ASIP: variants seen among roughly 807,000 people sequenced by gnomAD.
ASIP encodes the protein agouti-signaling protein.
ASIP carries 11 observed loss-of-function variants against 10.3 expected under a neutral mutation model. The observed-to-expected ratio is 1.07, with a 90% CI of 0.68 to 1.78. The LOEUF is 1.78. Among genes scored for constraint, ASIP ranks in the 40% most tolerant of loss-of-function variants. The pLI is 0.00. For missense variants in ASIP, 180 were observed against 169.2 expected, an observed-to-expected ratio of 1.06 and a Z score of -0.35; for synonymous variants, 70 against 70.8, an observed-to-expected ratio of 0.99 and a Z score of 0.06.
intron 1 of ASIP, among the ~76,000 whole-genome samples, chr20:34,201,013 C>CTTTCTTTCTTTCTTTCTTTTTCT (rs2034891896): frequency 5.4e-5 from 3 of 55,232 alleles, no homozygotes; most frequent in African/African-American, 2.9e-4. Flanking sequence ...TCCTTCCTTC[C>CTTTCTTTCTTTCTTTCTTTTTCT]TTCCTTCTTT....
chr20:34,212,966 A>G (rs1401009966), intron 1 of ASIP, among the ~76,000 whole-genome samples: 1 of 152,196 alleles, frequency 6.6e-6, no homozygotes, highest in Non-Finnish European at 1.5e-5. Flanking sequence ...AGGACTTACC[A>G]GTCAGCACTT....
the ASIP span, among the ~76,000 whole-genome samples, chr20:34,186,796 G>A: frequency 2.0e-5 from 3 of 150,850 alleles, no homozygotes; most frequent in South Asian, 4.3e-4. Flanking sequence ...GGCAGCAGTA[G>A]GTTGTTTTTG....
At chr20:34,209,947 AG>A (rs2034962843) in intron 1 of ASIP, among the ~76,000 whole-genome samples, 1 of 152,148 alleles carries the variant, frequency 6.6e-6, no homozygotes, top group Non-Finnish European at 1.5e-5. Flanking sequence ...TGGACCAATC[AG>A]TGTGCACTTC....
chr20:34,257,038 CTTTT>C (rs1179074288), intron 1 of ASIP, among the ~76,000 whole-genome samples: 1 of 149,630 alleles, frequency 6.7e-6, no homozygotes, highest in Non-Finnish European at 1.5e-5. Flanking sequence ...TTCTTTCTTT[CTTTT>C]TCTTTCTTTC....
At chr20:34,255,110 T>C (rs542337928) in intron 1 of ASIP, among the ~76,000 whole-genome samples, 13 of 152,262 alleles carry the variant, frequency 8.5e-5, no homozygotes, top group African/African-American at 2.6e-4. Flanking sequence ...TGAACTGAGC[T>C]TGTACCTACA....
chr20:34,256,880 A>G (rs1404014736), intron 1 of ASIP, among the ~76,000 whole-genome samples: 2 of 152,108 alleles, frequency 1.3e-5, no homozygotes, highest in Admixed American at 6.6e-5. Context: ...TCCTGGGGTC[A>G]GGTGATTCTC....
At chr20:34,236,081 A>AGAAG (rs57903059) in intron 1 of ASIP, among the ~76,000 whole-genome samples, 13 of 143,474 alleles carry the variant, frequency 9.1e-5, no homozygotes, top group East Asian at 2.1e-4. Context: ...AAAGAGAAAG[A>AGAAG]GAAGGAAGGA....
At chr20:34,214,293 A>G (rs2034993365) in intron 1 of ASIP, 1 of 1,384,420 alleles carries the variant, frequency 7.2e-7, no homozygotes. Context: ...GAAAGCCATT[A>G]GTACACATGG....
intron 1 of ASIP, among the ~76,000 whole-genome samples, chr20:34,205,419 C>A (rs1427486207): frequency 1.6e-5 from 2 of 128,006 alleles, no homozygotes; most frequent in Non-Finnish European, 3.4e-5. Context: ...TCCCGCTGGG[C>A]TCGTGGTCTC....
chr20:34,226,709 A>G (rs1053537033), intron 1 of ASIP, among the ~76,000 whole-genome samples: 1 of 152,156 alleles, frequency 6.6e-6, no homozygotes, highest in African/African-American at 2.4e-5. Flanking sequence ...CCTCAGTCTG[A>G]TAAAGCTCAT....
intron 1 of ASIP, among the ~76,000 whole-genome samples, chr20:34,258,700 A>ATATATATATATATATATACATAC (rs1555826880): frequency 1.3e-5 from 1 of 77,918 alleles, no homozygotes; most frequent in Non-Finnish European, 2.4e-5. Context: ...TACATACTAT[A>ATATATATATATATATATACATAC]TATATATATT....
At chr20:34,253,032 T>C (rs1218289533) in intron 1 of ASIP, among the ~76,000 whole-genome samples, 1 of 152,232 alleles carries the variant, frequency 6.6e-6, no homozygotes, top group Non-Finnish European at 1.5e-5. Flanking sequence ...CAATTTTTCT[T>C]AGTACAGATC....
chr20:34,265,932 A>G (rs2035776084), intron 3 of ASIP, among the ~76,000 whole-genome samples: 1 of 150,962 alleles, frequency 6.6e-6, no homozygotes, highest in Non-Finnish European at 1.5e-5. Flanking sequence ...CCTGGGCGAC[A>G]GAGCAAGACT....
At chr20:34,241,857 A>T (rs941090570) in intron 1 of ASIP, among the ~76,000 whole-genome samples, 1 of 152,236 alleles carries the variant, frequency 6.6e-6, no homozygotes, top group Non-Finnish European at 1.5e-5. Context: ...CAGATTTCTA[A>T]TAACTCTTAC....
intron 1 of ASIP, among the ~76,000 whole-genome samples, chr20:34,205,850 C>A: frequency 6.6e-6 from 1 of 151,664 alleles, no homozygotes. Flanking sequence ...CATTTACAAA[C>A]CTTTAGCTAG....
At chr20:34,244,065 AAAAC>A (rs966170774) in intron 1 of ASIP, among the ~76,000 whole-genome samples, 15 of 152,294 alleles carry the variant, frequency 9.8e-5, no homozygotes, top group East Asian at 7.7e-4. Flanking sequence ...ACTCCATCTC[AAAAC>A]AAACAAACAA....
Position 34,266,094 on chromosome 20 carries a change from C to T in ASIP, c.223-2897C>T, listed in dbSNP as rs193034279. Among the ~76,000 whole-genome samples, 36 of 151,512 alleles carry T rather than the reference C, an allele frequency of 2.4e-4. 1 individual carries two copies. The highest frequency in any genetic ancestry group is 5.9e-4 in the Admixed American group (9 of 15,232). ...AATGGCCAGGCACGGTGGCTCACGC[C>T]TATAATCCCAGCACTTTGGGAGGCT... is the stretch of plus-strand genomic sequence containing the variant. On this transcript the variant is annotated intron_variant, in intron 3 of 3. Transcript: ENST00000374954.
At chr20:34,209,665 G>A (rs765254107) in intron 1 of ASIP, among the ~76,000 whole-genome samples, 2 of 152,234 alleles carry the variant, frequency 1.3e-5, no homozygotes, top group Non-Finnish European at 2.9e-5. Context: ...ACTTGGGGCA[G>A]TGTTGACATG....
chr20:34,208,911 T>C (rs1002145781), intron 1 of ASIP, among the ~76,000 whole-genome samples: 2 of 152,260 alleles, frequency 1.3e-5, no homozygotes, highest in African/African-American at 4.8e-5. Context: ...TCTCAAATTG[T>C]TCACAGTTGA....
Sources: allele counts gnomAD v4.1 joint callset (sites outside exome capture counted in the v4.1 genomes callset), GRCh38; gene constraint gnomAD v4.1.1; transcripts MANE v1.5; gene names NCBI Gene and HGNC (gene_info 2026-07-23, HGNC 2026-07-21).